Variants in USP34 observed in about 807,000 individuals in gnomAD.
The protein encoded by USP34 is ubiquitin carboxyl-terminal hydrolase 34.
In USP34, 70 loss-of-function variants were observed where a neutral mutation model predicts 460.3. That is an observed-to-expected ratio of 0.15 (90% CI 0.13 to 0.19). The LOEUF (loss-of-function observed/expected upper bound fraction) is 0.19, where lower values mean the gene tolerates loss of function less well. Among genes scored for constraint, USP34 ranks in the 10% least tolerant of loss-of-function variants. USP34 has a pLI of 1.00. For missense variants in USP34, 3,985 were observed against 4,236.2 expected (o/e 0.94, Z 1.65); for synonymous variants, 1,647 against 1,405.3 (o/e 1.17, Z -3.85).
intron 49 of USP34, among the ~76,000 whole-genome samples, chr2:61,248,171 C>T (rs1688471254): frequency 7.8e-6 from 1 of 128,488 alleles, no homozygotes. Context: ...CAAAATAAGA[C>T]TGTCTCAGAA....
At chr2:61,219,921 C>A (rs1687510187) in intron 67 of USP34, among the ~76,000 whole-genome samples, 1 of 151,534 alleles carries the variant, frequency 6.6e-6, no homozygotes, top group Admixed American at 6.6e-5. Context: ...GGCTTGTGTA[C>A]AACTTAAAGT....
At chr2:61,445,947 CAAA>C (rs796603713) in intron 1 of USP34, among the ~76,000 whole-genome samples, 2 of 135,802 alleles carry the variant, frequency 1.5e-5, no homozygotes, top group Admixed American at 1.5e-4. Flanking sequence ...GACTCTGTTT[CAAA>C]AAAAAAAAAA....
intron 27 of USP34, among the ~76,000 whole-genome samples, chr2:61,308,815 C>G (rs1690493883): frequency 6.6e-6 from 1 of 152,058 alleles, no homozygotes; most frequent in Non-Finnish European, 1.5e-5. Context: ...CCTAAGTGGG[C>G]AGAAAGCTTG....
chr2:61,195,486 A>T (rs1686773354), intron 75 of USP34, among the ~76,000 whole-genome samples: 1 of 151,792 alleles, frequency 6.6e-6, no homozygotes, highest in African/African-American at 2.4e-5. Flanking sequence ...AGCCTGACCA[A>T]CATGGTGAAA....
intron 3 of USP34, among the ~76,000 whole-genome samples, chr2:61,401,855 G>A (rs552603119): frequency 4.0e-5 from 6 of 150,346 alleles, no homozygotes; most frequent in East Asian, 4.0e-4. Context: ...ACCGCGCCCG[G>A]CCCATTTTTA....
intron 15 of USP34, 93 bp from the exon 16 acceptor site, chr2:61,344,122 A>T (rs887575385): frequency 1.7e-6 from 2 of 1,176,862 alleles, no homozygotes; most frequent in Non-Finnish European, 2.4e-6. Context: ...TTACAAATAC[A>T]CTTAGAAACA....
chr2:61,248,726 A>G, intron 48 of USP34, 43 bp from the exon 49 acceptor site: 1 of 1,496,546 alleles, frequency 6.7e-7, no homozygotes, highest in Non-Finnish European at 9.0e-7. Context: ...TTTTTTACAA[A>G]TACTTCAGTT....
At chr2:61,456,343 T>A (rs1165925430) in intron 1 of USP34, among the ~76,000 whole-genome samples, 1 of 152,192 alleles carries the variant, frequency 6.6e-6, no homozygotes, top group African/African-American at 2.4e-5. Flanking sequence ...GTCCATCCTC[T>A]TTGAACTCTA....
intron 76 of USP34, among the ~76,000 whole-genome samples, chr2:61,191,626 A>G (rs942032416): frequency 6.6e-6 from 1 of 152,114 alleles, no homozygotes; most frequent in African/African-American, 2.4e-5. Context: ...GAGGCCTTAT[A>G]TGGTTAGGCT....
intron 27 of USP34, 124 bp from the exon 28 acceptor site, chr2:61,301,578 G>T: frequency 2.4e-6 from 2 of 827,458 alleles, no homozygotes; most frequent in Non-Finnish European, 3.7e-6. Context: ...CTAAGGTAAA[G>T]ACAGAAAACT....
At chr2:61,209,556 A>G (rs558418343) in intron 69 of USP34, among the ~76,000 whole-genome samples, 8 of 152,230 alleles carry the variant, frequency 5.3e-5, no homozygotes, top group Admixed American at 1.3e-4. Flanking sequence ...CATTACCCAC[A>G]TGTCTCTGAT....
At chr2:61,313,162 A>G (rs1690646312) in intron 25 of USP34, among the ~76,000 whole-genome samples, 2 of 152,138 alleles carry the variant, frequency 1.3e-5, no homozygotes, top group Admixed American at 1.3e-4. Flanking sequence ...AAATTTTTAT[A>G]TAAACTATTT....
chr2:61,256,416 A>C lies in USP34; in HGVS notation c.6189T>G (p.Ser2063=), dbSNP rs1362976251. Residue 2063 remains serine, a synonymous_variant, in exon 48 of 80, where the codon TCT becomes TCG. Coordinates refer to ENST00000398571, the MANE Select transcript of USP34 (RefSeq NM_014709.4). ...CAGCTCGTACTTTCTTCCCACAATG[A>C]GAACAAGTATACATGTTATCACCTT... ...TLEGDNMYTC[S]HCGKKVRAEK... 1 of 1,612,494 alleles carries C rather than the reference A, an allele frequency of 6.2e-7. No homozygotes were observed.
At position 61,294,864 on chromosome 2, in the gene USP34, T is replaced by C. The variant is rs925115604; in HGVS notation, c.4461+85A>G. 5.5e-6 allele frequency: 6 copies of C among 1,094,584 alleles called. No individual in the cohort carries two copies. In the Admixed American group the frequency reaches 1.3e-4, roughly 23 times the overall value. The allele number at this position is 1,094,584 out of a possible 1,614,324, so 67.8% of individuals were successfully genotyped here. A position where few individuals can be genotyped will look rare whatever the true frequency, so the allele number is the denominator to read the frequency against. On this transcript the variant is annotated intron_variant, in intron 32 of 79. Transcript: ENST00000398571. Reference sequence around the variant, plus strand: ...ATTTTAATAGTATATTAGTTTAAAATCAATGAAGAATTATGGTACCCACTT... The same window carrying C: ...ATTTTAATAGTATATTAGTTTAAAACCAATGAAGAATTATGGTACCCACTT...
chr2:61,414,831 C>T (rs1694147599), intron 2 of USP34, among the ~76,000 whole-genome samples: 1 of 152,084 alleles, frequency 6.6e-6, no homozygotes, highest in Non-Finnish European at 1.5e-5. Flanking sequence ...GAAGTAGTGG[C>T]CCATGATCAG....
chr2:61,353,211 A>T (rs984386299), intron 10 of USP34, among the ~76,000 whole-genome samples: 3 of 152,188 alleles, frequency 2.0e-5, no homozygotes, highest in Non-Finnish European at 4.4e-5. Context: ...CTGATTGCTA[A>T]TTCTGACTGG....
At chr2:61,393,124 T>C (rs118191680) in intron 5 of USP34, among the ~76,000 whole-genome samples, 1,980 of 152,230 alleles carry the variant, frequency 0.013, 62 homozygotes, top group Admixed American at 0.076. Flanking sequence ...ATTCCCATTT[T>C]GCAAATTAAA....
intron 16 of USP34, among the ~76,000 whole-genome samples, chr2:61,340,702 A>T (rs1023613412): frequency 6.6e-6 from 1 of 152,128 alleles, no homozygotes; most frequent in Non-Finnish European, 1.5e-5. Flanking sequence ...TCGTATGCTT[A>T]TTAGCCATGT....
chr2:61,266,347 G>A (rs998552569), intron 41 of USP34, among the ~76,000 whole-genome samples, 180 bp from the exon 42 acceptor site: 2 of 152,148 alleles, frequency 1.3e-5, no homozygotes, highest in Non-Finnish European at 2.9e-5. Context: ...CGAAGGCGGC[G>A]ATCAACTTTT....
Sources: allele counts gnomAD v4.1 joint callset (sites outside exome capture counted in the v4.1 genomes callset), GRCh38; gene constraint gnomAD v4.1.1; transcripts MANE v1.5; gene names NCBI Gene and HGNC (gene_info 2026-07-23, HGNC 2026-07-21).